AGTPBP1: variants seen among roughly 807,000 people sequenced by gnomAD.
AGTPBP1 encodes cytosolic carboxypeptidase 1.
A neutral mutation model predicts 143.9 loss-of-function variants in AGTPBP1; 70 were observed. The observed-to-expected ratio is 0.49, with a 90% confidence interval of 0.40 to 0.59. AGTPBP1 has a LOEUF of 0.59. Among genes scored for constraint, AGTPBP1 ranks in the 20% least tolerant of loss-of-function variants. AGTPBP1 has a pLI of 0.00. For missense variants in AGTPBP1, 1,229 were observed against 1,464.5 expected (o/e 0.84, Z 2.62); for synonymous variants, 463 against 500.2 (o/e 0.93, Z 0.99).
chr9:85,615,218 C>G (rs2133477379), intron 17 of AGTPBP1, among the ~76,000 whole-genome samples: 1 of 152,158 alleles, frequency 6.6e-6, no homozygotes, highest in South Asian at 2.1e-4. Flanking sequence ...AAATGCACTT[C>G]AAAAAGGCTG....
chr9:85,764,463 A>G, the AGTPBP1 span, among the ~76,000 whole-genome samples: 38,500 of 149,552 alleles, frequency 0.26, 4,614 homozygotes, highest in African/African-American at 0.43. Context: ...CTGGGAAGCG[A>G]AGGTTGCAGT....
intron 3 of AGTPBP1, among the ~76,000 whole-genome samples, 194 bp downstream of exon 3, chr9:85,692,494 CA>C (rs1835945807): frequency 6.6e-6 from 1 of 151,944 alleles, no homozygotes; most frequent in Non-Finnish European, 1.5e-5. Context: ...AGGCTGGTCT[CA>C]AAACTACTGA....
chr9:85,581,685 G>A (rs148542246), intron 23 of AGTPBP1, among the ~76,000 whole-genome samples: 188 of 152,126 alleles, frequency 1.2e-3, no homozygotes, highest in Non-Finnish European at 2.3e-3. Flanking sequence ...ATATTAAAAC[G>A]TCCTTAAAAA....
intron 25 of AGTPBP1, among the ~76,000 whole-genome samples, chr9:85,552,733 C>T (rs1343292986): frequency 1.3e-5 from 2 of 152,222 alleles, no homozygotes; most frequent in Non-Finnish European, 2.9e-5. Context: ...CAGGCAATGG[C>T]CTGTCTCAAG....
chr9:85,624,260 T>C (rs928788511), intron 14 of AGTPBP1, among the ~76,000 whole-genome samples: 1 of 152,184 alleles, frequency 6.6e-6, no homozygotes. Context: ...AACATATATA[T>C]GTGATCAGTA....
chr9:85,762,693 C>A, the AGTPBP1 span, among the ~76,000 whole-genome samples: 1 of 151,276 alleles, frequency 6.6e-6, no homozygotes, highest in Admixed American at 6.6e-5. Flanking sequence ...ATGGGTGCAG[C>A]ACACCAACAT....
intron 14 of AGTPBP1, among the ~76,000 whole-genome samples, chr9:85,629,953 C>G (rs62566943): frequency 0.017 from 2,549 of 152,266 alleles, 25 homozygotes; most frequent in Middle Eastern, 0.054. Context: ...TTCTACAATC[C>G]TTCTTCCTTC....
chr9:85,547,013 C>CCA lies in AGTPBP1; in HGVS notation c.*95_*96insTG. 1 of 1,283,624 alleles carries CCA rather than the reference C, an allele frequency of 7.8e-7. No individual in the cohort carries two copies. The highest frequency in any genetic ancestry group is 2.2e-5 in the South Asian group (1 of 46,244). 79.5% of individuals were successfully genotyped at this position (1,283,624 alleles called of 1,614,324 possible). ...CAAGTTACTTTTTGTCTTTTTGAGT[C>CCA]AGCTCTGTATAAACTCATTTCTCTC... On this transcript the variant is annotated 3_prime_UTR_variant, in exon 26 of 26. Transcript: ENST00000357081.
chr9:85,730,914 AC>A (rs1372287949), intron 1 of AGTPBP1, among the ~76,000 whole-genome samples: 1 of 152,172 alleles, frequency 6.6e-6, no homozygotes, highest in Non-Finnish European at 1.5e-5. Flanking sequence ...TCCTGATTGA[AC>A]CCATACTGAT....
chr9:85,741,475 G>A (rs1824270676), intron 1 of AGTPBP1: 1 of 985,250 alleles, frequency 1.0e-6, no homozygotes, highest in Admixed American at 6.1e-5. Flanking sequence ...TCCGCCCAGA[G>A]ACCGCGCCCG....
intron 13 of AGTPBP1, among the ~76,000 whole-genome samples, chr9:85,641,807 C>A (rs1224406334): frequency 6.6e-6 from 1 of 151,978 alleles, no homozygotes; most frequent in Non-Finnish European, 1.5e-5. Context: ...TCAAGAGATT[C>A]TCCTGCCTCA....
chr9:85,681,181 G>A, intron 4 of AGTPBP1, 87 bp downstream of exon 4: 1 of 1,205,536 alleles, frequency 8.3e-7, no homozygotes. Flanking sequence ...GTGTTTCTGT[G>A]TGTATTTATA....
In AGTPBP1 at chr9:85,589,602, G is replaced by C; in HGVS notation, c.2648C>G (p.Ser883Cys). Reference sequence around the variant, plus strand: ...AGTCACCAAGGGGCAGCTGTTTCCAGACAGGGTTTCACATAACACATCTTT... The same window carrying C: ...AGTCACCAAGGGGCAGCTGTTTCCACACAGGGTTTCACATAACACATCTTT... ...FRKDVLCETL[S>C]GNSCPLVTIT... The change falls in exon 20 of 26, where the codon TCT (serine) becomes TGT (cysteine). Residue 883 changes from serine (S) to cysteine (C), a missense_variant. Physicochemically the swap from Ser to Cys is moderately radical, Grantham distance 112. This residue lies in a region of AGTPBP1 where 486 missense variants were observed against 652.3 expected (regional missense o/e 0.75). Coordinates refer to ENST00000357081, the MANE Select transcript of AGTPBP1 (RefSeq NM_001330701.2). 6.2e-7 allele frequency: 1 copy of C among 1,613,670 alleles called. No individual in the cohort carries two copies. The highest frequency in any genetic ancestry group is 1.3e-5 in the African/African-American group (1 of 75,024).
intron 1 of AGTPBP1, among the ~76,000 whole-genome samples, chr9:85,718,686 T>G (rs944518944): frequency 3.9e-5 from 6 of 152,242 alleles, no homozygotes; most frequent in African/African-American, 1.4e-4. Context: ...AGATCCCATT[T>G]GTCAATTTTG....
chr9:85,731,550 C>T (rs1838881904), intron 1 of AGTPBP1, among the ~76,000 whole-genome samples: 1 of 152,034 alleles, frequency 6.6e-6, no homozygotes, highest in Non-Finnish European at 1.5e-5. Context: ...GCCTCAAACT[C>T]CTGGGCTCAA....
intron 23 of AGTPBP1, among the ~76,000 whole-genome samples, chr9:85,584,564 A>T (rs1327185202): frequency 1.3e-5 from 2 of 152,166 alleles, no homozygotes; most frequent in African/African-American, 2.4e-5. Context: ...GAGAATTGTG[A>T]AGGCTTTGCT....
At position 85,589,541 on chromosome 9, in the gene AGTPBP1, A is replaced by G. The variant is rs766960866; in HGVS notation, c.2709T>C (p.His903=). Residue 903 remains histidine, a synonymous_variant, in exon 20 of 26, where the codon CAT becomes CAC. Transcript: ENST00000357081. ...AGACAAACTTACTGAAATGGCAGAT[A>G]TGTTCATAATAATTAGACTCTGGCA... The part of the protein sequence containing the change: ...TAMPESNYYE[H]ICHFRNRPYV... 4 of 1,605,624 alleles carry G rather than the reference A, an allele frequency of 2.5e-6. No individual in the cohort carries two copies. The South Asian group carries it at 4.5e-5, about 18-fold the overall frequency.
At chr9:85,705,529 A>C (rs1836930056) in intron 2 of AGTPBP1, among the ~76,000 whole-genome samples, 1 of 152,148 alleles carries the variant, frequency 6.6e-6, no homozygotes, top group Non-Finnish European at 1.5e-5. Flanking sequence ...AAAAAGAAAA[A>C]AAGAAGTAGA....
At chr9:85,569,494 G>C (rs1827323906) in intron 25 of AGTPBP1, among the ~76,000 whole-genome samples, 1 of 152,142 alleles carries the variant, frequency 6.6e-6, no homozygotes, top group Non-Finnish European at 1.5e-5. Context: ...CTTAAAAGCA[G>C]CAAGTATATA....
Sources: allele counts gnomAD v4.1 joint callset (sites outside exome capture counted in the v4.1 genomes callset), GRCh38; gene constraint gnomAD v4.1.1; regional missense constraint gnomAD v4.1.1; transcripts MANE v1.5; gene names NCBI Gene and HGNC (gene_info 2026-07-23, HGNC 2026-07-21).